TASP1: variants seen among roughly 807,000 people sequenced by gnomAD.
TASP1 encodes threonine aspartase 1.
A neutral mutation model predicts 56.6 loss-of-function variants in TASP1; 16 were observed. That is an observed-to-expected ratio of 0.28 (90% CI 0.19 to 0.43). TASP1 has a LOEUF of 0.43. Among genes scored for constraint, TASP1 ranks in the 20% least tolerant of loss-of-function variants. The pLI, the probability that TASP1 is intolerant of heterozygous loss-of-function variation, is 1.00. For missense variants in TASP1, 393 were observed against 511.6 expected, an observed-to-expected ratio of 0.77 and a Z score of 2.24; for synonymous variants, 179 against 184.2, an observed-to-expected ratio of 0.97 and a Z score of 0.23.
chr20:13,628,421 G>A (rs2048974132), intron 2 of TASP1, among the ~76,000 whole-genome samples: 1 of 152,212 alleles, frequency 6.6e-6, no homozygotes, highest in African/African-American at 2.4e-5. Flanking sequence ...TCTGAAGGCA[G>A]AAGCTCTAGT....
chr20:13,597,001 A>T lies in TASP1; in HGVS notation c.283-9631T>A, dbSNP rs569378494. Among the ~76,000 whole-genome samples, 10 of 152,330 alleles carry T rather than the reference A, an allele frequency of 6.6e-5. No individual in the cohort carries two copies. The South Asian group carries it at 2.1e-3, about 32-fold the overall frequency. On this transcript the variant is annotated intron_variant, in intron 4 of 13. Coordinates refer to ENST00000337743, the MANE Select transcript of TASP1 (RefSeq NM_017714.3). The stretch of plus-strand genomic sequence containing the variant: ...AAACCTGGAAGAAGTTGAATCTCTA[A>T]ATAGACCAATAACAGGCTCTGAAAT...
At chr20:13,429,096 T>A (rs145887737) in intron 12 of TASP1, among the ~76,000 whole-genome samples, 1,688 of 152,322 alleles carry the variant, frequency 0.011, 14 homozygotes, top group Non-Finnish European at 0.019. Flanking sequence ...GACCTATGAT[T>A]TATTCCTCTC....
chr20:13,524,614 A>T (rs2146829278), intron 10 of TASP1, among the ~76,000 whole-genome samples: 1 of 152,314 alleles, frequency 6.6e-6, no homozygotes, highest in South Asian at 2.1e-4. Flanking sequence ...AGTCTGAAAC[A>T]AATTATTTAT....
the TASP1 span, among the ~76,000 whole-genome samples, chr20:13,314,039 T>C: frequency 4.6e-5 from 7 of 151,832 alleles, no homozygotes; most frequent in South Asian, 1.5e-3. Flanking sequence ...GAAGAAAGAA[T>C]CTCTGAACTT....
chr20:13,396,077 T>G (rs1204359722), intron 13 of TASP1, among the ~76,000 whole-genome samples: 2 of 152,142 alleles, frequency 1.3e-5, no homozygotes, highest in Non-Finnish European at 2.9e-5. Flanking sequence ...AGAGAAGGGC[T>G]GGGGAAGTGT....
the TASP1 span, chr20:13,164,817 T>G: frequency 6.2e-7 from 1 of 1,613,864 alleles, no homozygotes; most frequent in Non-Finnish European, 8.5e-7. Flanking sequence ...GCACAAGAAG[T>G]CAGCACGTCC....
chr20:13,495,955 AC>A (rs1393847997), intron 10 of TASP1, among the ~76,000 whole-genome samples: 6 of 152,192 alleles, frequency 3.9e-5, no homozygotes, highest in African/African-American at 1.2e-4. Flanking sequence ...CATAGGGTCT[AC>A]AAATCCCAAA....
intron 8 of TASP1, among the ~76,000 whole-genome samples, chr20:13,536,192 G>A (rs1344421850): frequency 6.6e-6 from 1 of 152,088 alleles, no homozygotes; most frequent in Non-Finnish European, 1.5e-5. Context: ...GGAGCAATCT[G>A]GGAACTATCC....
At chr20:13,153,273 G>T in the TASP1 span, among the ~76,000 whole-genome samples, 3 of 152,174 alleles carry the variant, frequency 2.0e-5, no homozygotes, top group African/African-American at 7.2e-5. Context: ...CGTGAACTCT[G>T]CACTGGGACA....
At chr20:13,627,817 C>G (rs2048950462) in intron 2 of TASP1, among the ~76,000 whole-genome samples, 1 of 151,730 alleles carries the variant, frequency 6.6e-6, no homozygotes, top group Non-Finnish European at 1.5e-5. Context: ...ACACAACATG[C>G]AGCTGCAACT....
At chr20:13,592,292 G>T (rs1196183296) in intron 4 of TASP1, among the ~76,000 whole-genome samples, 1 of 151,886 alleles carries the variant, frequency 6.6e-6, no homozygotes, top group African/African-American at 2.4e-5. Flanking sequence ...AGCTACTCGG[G>T]AGGCTGAGGC....
the TASP1 span, among the ~76,000 whole-genome samples, chr20:13,149,481 C>G: frequency 1.3e-5 from 2 of 152,142 alleles, no homozygotes; most frequent in African/African-American, 4.8e-5. Flanking sequence ...CCAGGCCTTC[C>G]AAGAGTATGA....
At chr20:13,364,437 G>A in the TASP1 span, among the ~76,000 whole-genome samples, 1 of 152,172 alleles carries the variant, frequency 6.6e-6, no homozygotes, top group African/African-American at 2.4e-5. Context: ...AGGGTATGGA[G>A]AGTCAGAGAT....
chr20:13,357,156 T>A, the TASP1 span, among the ~76,000 whole-genome samples: 1 of 147,698 alleles, frequency 6.8e-6, no homozygotes, highest in South Asian at 2.1e-4. Flanking sequence ...TGCTAAATGC[T>A]ATAAAGGAAG....
chr20:13,430,086 C>T (rs147496018), intron 12 of TASP1, among the ~76,000 whole-genome samples: 12 of 152,206 alleles, frequency 7.9e-5, no homozygotes, highest in East Asian at 5.8e-4. Flanking sequence ...TAAAAGGACA[C>T]GCATCATATT....
chr20:13,317,350 A>G, the TASP1 span, among the ~76,000 whole-genome samples: 1 of 152,062 alleles, frequency 6.6e-6, no homozygotes, highest in Non-Finnish European at 1.5e-5. Context: ...CAATTTTGTC[A>G]AGATGTCAGT....
the TASP1 span, among the ~76,000 whole-genome samples, chr20:13,108,326 G>A: frequency 6.6e-6 from 1 of 152,212 alleles, no homozygotes; most frequent in African/African-American, 2.4e-5. Context: ...CTCATTGAAT[G>A]TGGCAGAGTT....
chr20:13,441,463 G>T (rs1035934059), intron 11 of TASP1, among the ~76,000 whole-genome samples: 1 of 152,162 alleles, frequency 6.6e-6, no homozygotes, highest in African/African-American at 2.4e-5. Context: ...GCTGAGCCTT[G>T]TCTACATTAA....
At chr20:13,170,606 A>G in the TASP1 span, among the ~76,000 whole-genome samples, 2 of 152,256 alleles carry the variant, frequency 1.3e-5, no homozygotes, top group Non-Finnish European at 2.9e-5. Context: ...GCTGTGGCAT[A>G]TAACAGCGCT....
Sources: allele counts gnomAD v4.1 joint callset (sites outside exome capture counted in the v4.1 genomes callset), GRCh38; gene constraint gnomAD v4.1.1; transcripts MANE v1.5; gene names NCBI Gene and HGNC (gene_info 2026-07-23, HGNC 2026-07-21).